KHDRBS2: variants seen among roughly 807,000 people sequenced by gnomAD.
KHDRBS2 encodes KH RNA binding domain containing, signal transduction associated 2, also known as KH domain-containing, RNA-binding, signal transduction-associated protein 2.
A neutral mutation model predicts 44.3 loss-of-function variants in KHDRBS2; 26 were observed. The observed-to-expected ratio is 0.59, with a 90% CI of 0.43 to 0.81. The LOEUF is 0.81. Ranked by LOEUF, KHDRBS2 falls within the 40% of genes least tolerant of loss-of-function variation. KHDRBS2 has a pLI of 0.00. For synonymous variants in KHDRBS2, 194 were observed against 151.1 expected (o/e 1.28, Z -2.08); for missense variants, 476 against 433.1 (o/e 1.10, Z -0.88).
intron 6 of KHDRBS2, among the ~76,000 whole-genome samples, chr6:61,770,725 G>C (rs1057131638): frequency 1.3e-5 from 2 of 152,218 alleles, no homozygotes; most frequent in African/African-American, 4.8e-5. Flanking sequence ...GTACCTGAAA[G>C]TGACAGGGAG....
intron 1 of KHDRBS2, among the ~76,000 whole-genome samples, chr6:62,213,324 G>C (rs1829405644): frequency 6.6e-6 from 1 of 152,002 alleles, no homozygotes; most frequent in South Asian, 2.1e-4. Flanking sequence ...CGAGATTGAG[G>C]TTGCAGTTGC....
chr6:61,702,724 C>T (rs1224020207), intron 7 of KHDRBS2, among the ~76,000 whole-genome samples: 1 of 151,784 alleles, frequency 6.6e-6, no homozygotes, highest in Non-Finnish European at 1.5e-5. Context: ...AAAAACAACT[C>T]ATGTCTTTTC....
chr6:61,543,211 CATCT>C, the KHDRBS2 span, among the ~76,000 whole-genome samples: 2 of 151,806 alleles, frequency 1.3e-5, no homozygotes, highest in Admixed American at 1.3e-4. Context: ...GCAAACTATC[CATCT>C]GACAAGGGAC....
At chr6:62,256,324 C>T (rs1837388259) in intron 1 of KHDRBS2, among the ~76,000 whole-genome samples, 1 of 151,942 alleles carries the variant, frequency 6.6e-6, no homozygotes, top group African/African-American at 2.4e-5. Flanking sequence ...TGGCTGTGTC[C>T]CCACCCAAAT....
intron 8 of KHDRBS2, among the ~76,000 whole-genome samples, chr6:61,696,500 G>A (rs1405100001): frequency 5.3e-5 from 8 of 151,728 alleles, no homozygotes; most frequent in Middle Eastern, 3.4e-3. Context: ...CTCGTGATCC[G>A]CCCGCCTCAG....
the KHDRBS2 span, among the ~76,000 whole-genome samples, chr6:61,612,004 T>A: frequency 1.1e-4 from 17 of 152,232 alleles, no homozygotes; most frequent in Admixed American, 2.6e-4. Flanking sequence ...TCAGGTCATA[T>A]CAAGTATGTG....
chr6:61,709,250 C>A (rs1235508239), intron 7 of KHDRBS2, among the ~76,000 whole-genome samples: 1 of 151,610 alleles, frequency 6.6e-6, no homozygotes, highest in East Asian at 2.0e-4. Flanking sequence ...ACCATATATG[C>A]CCTCTTAAGT....
At chr6:61,675,352 T>A (rs1855932), downstream of KHDRBS2, among the ~76,000 whole-genome samples, 53,560 of 151,574 alleles carry the variant, frequency 0.35, 10,299 homozygotes, top group East Asian at 0.49. Flanking sequence ...ATTTAAAAAC[T>A]GTTAGTGCTT....
At position 62,280,931 on chromosome 6, in the gene KHDRBS2, A is replaced by G. The variant is rs572170447; in HGVS notation, c.91+4927T>C. On this transcript the variant is annotated intron_variant, in intron 1 of 8. Coordinates refer to ENST00000281156, the MANE Select transcript of KHDRBS2 (RefSeq NM_152688.4). ...GAAAGACAATGACGATGGCTATGGAAGTTTTTAGGTGGTAGGAGGTTGAGG... is the reference window on the plus strand; with the variant it reads ...GAAAGACAATGACGATGGCTATGGAGGTTTTTAGGTGGTAGGAGGTTGAGG... Among the ~76,000 whole-genome samples, 3 of 152,318 alleles carry G rather than the reference A, an allele frequency of 2.0e-5. No homozygotes were observed. The South Asian group carries it at 6.2e-4, about 32-fold the overall frequency.
chr6:61,553,357 T>C, the KHDRBS2 span, among the ~76,000 whole-genome samples: 1 of 152,102 alleles, frequency 6.6e-6, no homozygotes, highest in Non-Finnish European at 1.5e-5. Context: ...ATCCCGTTTG[T>C]CATTTCTGAT....
At chr6:61,772,542 C>G (rs1460749219) in intron 6 of KHDRBS2, among the ~76,000 whole-genome samples, 4 of 152,152 alleles carry the variant, frequency 2.6e-5, no homozygotes, top group Middle Eastern at 3.2e-3. Context: ...CACTTATACA[C>G]AAATAAACAA....
intron 2 of KHDRBS2, among the ~76,000 whole-genome samples, chr6:62,134,559 G>A (rs758375617): frequency 9.2e-5 from 14 of 152,184 alleles, no homozygotes; most frequent in East Asian, 1.9e-4. Flanking sequence ...GAGGGCCACC[G>A]TCCAACAGAC....
At chr6:62,062,741 A>T (rs868257160) in intron 2 of KHDRBS2, among the ~76,000 whole-genome samples, 6 of 146,774 alleles carry the variant, frequency 4.1e-5, no homozygotes, top group Admixed American at 4.1e-4. Context: ...GAGCAAACAC[A>T]TTCAAAAGCT....
the KHDRBS2 span, among the ~76,000 whole-genome samples, chr6:61,662,050 A>T: frequency 1.3e-5 from 2 of 152,114 alleles, no homozygotes; most frequent in East Asian, 3.9e-4. Flanking sequence ...CAAAACAGAG[A>T]TATAGACAAA....
chr6:62,191,667 A>C (rs1253703089), intron 1 of KHDRBS2, among the ~76,000 whole-genome samples: 1 of 152,084 alleles, frequency 6.6e-6, no homozygotes, highest in African/African-American at 2.4e-5. Flanking sequence ...TTTCTAGAAG[A>C]ATATCACTTG....
chr6:62,018,745 T>C lies in KHDRBS2; in HGVS notation c.336+29133A>G, dbSNP rs575054601. 8.7e-4 allele frequency among the ~76,000 whole-genome samples: 133 copies of C among 152,310 alleles called. 1 individual carries two copies. The highest frequency in any genetic ancestry group is 4.8e-3 in the South Asian group (23 of 4,830). ...ACAAGAGAAAAATCCGTTATTAATT[T>C]GAGATTACTTTAAAACTTTCTCATT... On this transcript the variant is annotated intron_variant, in intron 3 of 8. Transcript: ENST00000281156.
At chr6:61,561,849 A>G in the KHDRBS2 span, among the ~76,000 whole-genome samples, 1 of 152,104 alleles carries the variant, frequency 6.6e-6, no homozygotes, top group Non-Finnish European at 1.5e-5. Context: ...TCTTCATTTT[A>G]TGCAAATCTA....
At chr6:62,063,579 ACC>A (rs1266343297) in intron 2 of KHDRBS2, among the ~76,000 whole-genome samples, 1 of 151,504 alleles carries the variant, frequency 6.6e-6, no homozygotes, top group Non-Finnish European at 1.5e-5. Context: ...AAATTCAACA[ACC>A]CTTCATGATA....
intron 6 of KHDRBS2, among the ~76,000 whole-genome samples, chr6:61,889,400 G>A (rs1562375888): frequency 6.6e-6 from 1 of 152,084 alleles, no homozygotes; most frequent in Non-Finnish European, 1.5e-5. Flanking sequence ...AACTTCCCTC[G>A]TGATATATTC....
Sources: gnomAD v4.1 joint callset for allele counts (sites outside exome capture counted in the v4.1 genomes callset) on GRCh38, gnomAD v4.1.1 for gene constraint, MANE v1.5 for transcripts, NCBI Gene and HGNC (gene_info 2026-07-23, HGNC 2026-07-21) for gene names.